RABGAP1L: variants seen among roughly 807,000 people sequenced by gnomAD.
RABGAP1L encodes the protein rab GTPase-activating protein 1-like.
In RABGAP1L, 63 loss-of-function variants were observed where a neutral mutation model predicts 137.7. The observed-to-expected ratio is 0.46, with a 90% CI of 0.37 to 0.56. The LOEUF (loss-of-function observed/expected upper bound fraction) is 0.56. Among genes scored for constraint, RABGAP1L ranks in the 20% least tolerant of loss-of-function variants. The pLI is 0.00. For missense variants in RABGAP1L, 1,095 were observed against 1,244.0 expected (o/e 0.88, Z 1.80); for synonymous variants, 431 against 433.7 (o/e 0.99, Z 0.08).
At chr1:174,915,503 C>T (rs958501379) in intron 19 of RABGAP1L, among the ~76,000 whole-genome samples, 1 of 152,200 alleles carries the variant, frequency 6.6e-6, no homozygotes, top group African/African-American at 2.4e-5. Flanking sequence ...TGTCACCAGG[C>T]TGGAATGCAG....
chr1:174,951,879 T>C (rs897737360), intron 19 of RABGAP1L, among the ~76,000 whole-genome samples: 1 of 152,166 alleles, frequency 6.6e-6, no homozygotes, highest in African/African-American at 2.4e-5. Context: ...GTGCCCAGGG[T>C]CTTTTCTCTA....
chr1:174,869,043 C>T (rs944489524), intron 19 of RABGAP1L, among the ~76,000 whole-genome samples: 6 of 152,090 alleles, frequency 3.9e-5, no homozygotes, highest in African/African-American at 1.2e-4. Flanking sequence ...GAGAACCTCA[C>T]TCCCTGCCCC....
At chr1:174,715,497 G>A (rs1351689545) in intron 17 of RABGAP1L, among the ~76,000 whole-genome samples, 1 of 152,170 alleles carries the variant, frequency 6.6e-6, no homozygotes, top group Non-Finnish European at 1.5e-5. Context: ...TTACTGGAGA[G>A]TATTTCTGGG....
At chr1:174,636,979 C>T (rs184903468) in intron 13 of RABGAP1L, among the ~76,000 whole-genome samples, 14 of 152,078 alleles carry the variant, frequency 9.2e-5, no homozygotes, top group Non-Finnish European at 1.5e-4. Context: ...TCCAGATATA[C>T]CTTATTTTTA....
intron 18 of RABGAP1L, among the ~76,000 whole-genome samples, chr1:174,802,220 C>T (rs1688822008): frequency 6.6e-6 from 1 of 152,140 alleles, no homozygotes; most frequent in African/African-American, 2.4e-5. Flanking sequence ...AATTAGGCAT[C>T]TGAAGTAGTG....
intron 17 of RABGAP1L, 80 bp downstream of exon 17, chr1:174,702,336 T>G (rs1679725289): frequency 7.7e-7 from 1 of 1,298,084 alleles, no homozygotes; most frequent in Non-Finnish European, 1.0e-6. Context: ...CTTCCTTTTG[T>G]TTTTGCCTGT....
At position 174,736,872 on chromosome 1, in the gene RABGAP1L, G is replaced by A. The variant is rs565187760; in HGVS notation, c.2170-15441G>A. On this transcript the variant is annotated intron_variant, in intron 17 of 25. Transcript: ENST00000681986. Reference sequence around the variant, plus strand: ...CCATGACTGGAGCCAGAACAGCTGGGATGTGGGAAGCAATGTTCTGAGACT... The same window carrying A: ...CCATGACTGGAGCCAGAACAGCTGGAATGTGGGAAGCAATGTTCTGAGACT... Among the ~76,000 whole-genome samples, 4 of 152,348 alleles carry A rather than the reference G, an allele frequency of 2.6e-5. 1 individual carries two copies. In the South Asian group the frequency reaches 8.3e-4, roughly 32 times the overall value.
intron 13 of RABGAP1L, among the ~76,000 whole-genome samples, chr1:174,489,634 A>C (rs1315881127): frequency 6.6e-6 from 1 of 152,174 alleles, no homozygotes; most frequent in Non-Finnish European, 1.5e-5. Flanking sequence ...TTCCTCAAGG[A>C]TCTAGAACTA....
At chr1:174,900,638 G>A (rs889871495) in intron 19 of RABGAP1L, among the ~76,000 whole-genome samples, 1 of 152,146 alleles carries the variant, frequency 6.6e-6, no homozygotes, top group African/African-American at 2.4e-5. Context: ...TCCTGCCTCA[G>A]CCTCCTGAGT....
intron 20 of RABGAP1L, chr1:174,958,185 A>G (rs1221439302): frequency 1.4e-6 from 2 of 1,403,374 alleles, no homozygotes; most frequent in Admixed American, 4.3e-5. Context: ...TATATTGAGC[A>G]CAGTAGTGGT....
chr1:174,850,740 A>T (rs1439613438), intron 19 of RABGAP1L, among the ~76,000 whole-genome samples: 1 of 152,232 alleles, frequency 6.6e-6, no homozygotes, highest in African/African-American at 2.4e-5. Context: ...AGTTGACATT[A>T]AAATAGGAAA....
At chr1:174,577,210 TACACACACACACACACACACACACAC>T (rs67709003) in intron 13 of RABGAP1L, among the ~76,000 whole-genome samples, 18 of 127,082 alleles carry the variant, frequency 1.4e-4, no homozygotes, top group Admixed American at 5.0e-4. Flanking sequence ...GGGGAAAAAA[TACACACACACACACACACACACACAC>T]ACACACACAC....
At chr1:174,522,357 A>C (rs1436000019) in intron 13 of RABGAP1L, among the ~76,000 whole-genome samples, 2 of 152,100 alleles carry the variant, frequency 1.3e-5, no homozygotes, top group African/African-American at 4.8e-5. Context: ...GCAGGTGATC[A>C]TGTGAGCTCA....
rs569761923 is a variant in RABGAP1L, at chr1:174,895,941, C to T, written c.2341-61516C>T. ...TCTTGATAGCAGCATAATTTCTAATCCTTTGGGTATATACCCAGTAATGGG... is the reference window on the plus strand; with the variant it reads ...TCTTGATAGCAGCATAATTTCTAATTCTTTGGGTATATACCCAGTAATGGG... On this transcript the variant is annotated intron_variant, in intron 19 of 25. Coordinates refer to ENST00000681986, the MANE Select transcript of RABGAP1L (RefSeq NM_001366446.1). Among the ~76,000 whole-genome samples the T allele has an allele frequency of 3.9e-5, 6 of 152,290 alleles. No individual in the cohort carries two copies. The East Asian group carries it at 9.6e-4, about 24-fold the overall frequency.
Position 174,175,993 on chromosome 1 carries a change from A to AT in RABGAP1L, c.-34+16340dup, listed in dbSNP as rs544508097. 2.1e-3 allele frequency among the ~76,000 whole-genome samples: 325 copies of AT among 152,212 alleles called. 5 individuals carry two copies. The highest frequency in any genetic ancestry group is 0.014 in the Middle Eastern group (4 of 294). ...TAGCGAGAAGACAGCATTGTTTTAG[A>AT]TTTTGCAAACCTGTGTAATGTCTGG... On this transcript the variant is annotated intron_variant, in intron 1 of 25. Transcript: ENST00000681986.
chr1:174,229,068 G>A (rs1016730758), intron 3 of RABGAP1L, among the ~76,000 whole-genome samples: 1 of 151,826 alleles, frequency 6.6e-6, no homozygotes, highest in Non-Finnish European at 1.5e-5. Context: ...ATTGGGCGAA[G>A]CAATCGTAGA....
chr1:174,564,603 C>T (rs7530265), intron 13 of RABGAP1L, among the ~76,000 whole-genome samples: 59,244 of 151,914 alleles, frequency 0.39, 14,561 homozygotes, highest in African/African-American at 0.7. Flanking sequence ...ATTCTGCTTC[C>T]TGTACTCTTT....
intron 19 of RABGAP1L, among the ~76,000 whole-genome samples, chr1:174,896,175 G>A (rs1657130533): frequency 6.6e-6 from 1 of 152,318 alleles, no homozygotes; most frequent in Middle Eastern, 3.4e-3. Flanking sequence ...GTTTTGGTTT[G>A]CATTTCTCTG....
At chr1:174,584,959 C>T (rs1669011163) in intron 13 of RABGAP1L, among the ~76,000 whole-genome samples, 1 of 151,922 alleles carries the variant, frequency 6.6e-6, no homozygotes. Context: ...CCACTAGCCA[C>T]ATGTATTATC....
Sources: allele counts gnomAD v4.1 joint callset (sites outside exome capture counted in the v4.1 genomes callset), GRCh38; gene constraint gnomAD v4.1.1; transcripts MANE v1.5; gene names NCBI Gene and HGNC (gene_info 2026-07-23, HGNC 2026-07-21).